Variants in SH3BGRL2 observed in about 807,000 individuals in gnomAD.
SH3BGRL2 encodes the protein SH3 domain-binding glutamic acid-rich-like protein 2.
SH3BGRL2 carries 21 observed loss-of-function variants against 14.8 expected under a neutral mutation model. That is an observed-to-expected ratio of 1.42 (90% confidence interval 1.01 to 2.05). SH3BGRL2 has a LOEUF of 2.05. Ranked by LOEUF, SH3BGRL2 falls within the 30% of genes most tolerant of loss-of-function variation. The probability of loss-of-function intolerance (pLI) is 0.00; values close to 1 mark genes in which losing one functional copy is unlikely to be tolerated. For synonymous variants in SH3BGRL2, 50 were observed against 47.8 expected (o/e 1.05, Z -0.19); for missense variants, 147 against 130.8 (o/e 1.12, Z -0.61).
At chr6:79,554,642 A>G in the SH3BGRL2 span, among the ~76,000 whole-genome samples, 1 of 152,240 alleles carries the variant, frequency 6.6e-6, no homozygotes, top group Non-Finnish European at 1.5e-5. Context: ...TATTGTTAAG[A>G]GTACAATACC....
chr6:79,699,628 T>G lies in SH3BGRL2; in HGVS notation c.*119T>G. 7.5e-7 allele frequency: 1 copy of G among 1,325,402 alleles called. No homozygotes were observed. The highest frequency in any genetic ancestry group is 9.9e-7 in the Non-Finnish European group (1 of 1,005,172). The allele number at this position is 1,325,402 out of a possible 1,614,324, so 82.1% of individuals were successfully genotyped here. A position where few individuals can be genotyped will look rare whatever the true frequency, so the allele number is the denominator to read the frequency against. On this transcript the variant is annotated 3_prime_UTR_variant, in exon 4 of 4. Coordinates refer to ENST00000369838, the MANE Select transcript of SH3BGRL2 (RefSeq NM_031469.4). ...CACACGCATTATCAGTAACTTTGCT[T>G]GCCACGGAAAAGGTGTTTTTGAAAG... is the stretch of plus-strand genomic sequence containing the variant.
At chr6:79,541,231 C>T in the SH3BGRL2 span, among the ~76,000 whole-genome samples, 9 of 151,758 alleles carry the variant, frequency 5.9e-5, no homozygotes, top group Admixed American at 2.0e-4. Context: ...CCAGCCTGGG[C>T]GGCAGAGTGA....
intron 1 of SH3BGRL2, among the ~76,000 whole-genome samples, chr6:79,670,287 C>G (rs964081104): frequency 6.6e-6 from 1 of 152,204 alleles, no homozygotes; most frequent in Non-Finnish European, 1.5e-5. Context: ...CATATTTTGC[C>G]TACTCCCAAT....
chr6:79,667,819 T>G (rs1769690257), intron 1 of SH3BGRL2, among the ~76,000 whole-genome samples: 1 of 152,000 alleles, frequency 6.6e-6, no homozygotes, highest in African/African-American at 2.4e-5. Context: ...CCAAGTAATA[T>G]CTCCAAGGCT....
At chr6:79,609,718 C>T in the SH3BGRL2 span, among the ~76,000 whole-genome samples, 1 of 152,164 alleles carries the variant, frequency 6.6e-6, no homozygotes, top group Non-Finnish European at 1.5e-5. Flanking sequence ...GCTATATTCC[C>T]ATTAGCTGTC....
At chr6:79,646,999 G>A (rs79077793) in intron 1 of SH3BGRL2, among the ~76,000 whole-genome samples, 13 of 152,284 alleles carry the variant, frequency 8.5e-5, no homozygotes, top group South Asian at 2.1e-4. Flanking sequence ...CGCTCTGAAC[G>A]TTTGCGTATA....
chr6:79,633,158 T>C (rs1172717756), intron 1 of SH3BGRL2, among the ~76,000 whole-genome samples: 1 of 152,204 alleles, frequency 6.6e-6, no homozygotes, highest in African/African-American at 2.4e-5. Context: ...CTTTTAAATT[T>C]AATGTTTTGT....
At position 79,703,537 on chromosome 6, in the gene SH3BGRL2, C is replaced by A. The variant is rs1238422488; in HGVS notation, c.*4028C>A. 1 of 152,158 alleles carries A rather than the reference C, an allele frequency of 6.6e-6. No individual in the cohort carries two copies. Among genetic ancestry groups the A allele is most frequent in the Non-Finnish European group, 1.5e-5 (1 of 68,016 alleles). The allele number at this position is 152,158 out of a possible 1,614,324, so 9.4% of individuals were successfully genotyped here. On this transcript the variant is annotated 3_prime_UTR_variant, in exon 4 of 4. Transcript: ENST00000369838. The stretch of plus-strand genomic sequence containing the variant: ...TGCGGTTTCCTGAACCTATCTCTAT[C>A]CCTGTCTGATAGAGGGAACCCCTGT...
the SH3BGRL2 span, among the ~76,000 whole-genome samples, chr6:79,576,744 G>A: frequency 1.3e-5 from 2 of 152,040 alleles, no homozygotes; most frequent in African/African-American, 2.4e-5. Flanking sequence ...AATTAAGCTC[G>A]ATAACATTTT....
rs1311579628 is a variant in SH3BGRL2 at position 79,699,691 on chromosome 6, C to T, written c.*182C>T. 3 of 813,648 alleles carry T rather than the reference C, an allele frequency of 3.7e-6. No individual in the cohort carries two copies. The highest frequency in any genetic ancestry group is 1.8e-5 in the African/African-American group (1 of 56,738). 50.4% of individuals were successfully genotyped at this position (813,648 alleles called of 1,614,324 possible). On this transcript the variant is annotated 3_prime_UTR_variant, in exon 4 of 4. Transcript: ENST00000369838. ...TGAGAATTGCATGATTGCTTTAAACCAAATCAGGTGGTGGATTTTTTTTTT... is the reference window on the plus strand; with the variant it reads ...TGAGAATTGCATGATTGCTTTAAACTAAATCAGGTGGTGGATTTTTTTTTT...
chr6:79,605,317 A>C, the SH3BGRL2 span, among the ~76,000 whole-genome samples: 1 of 152,350 alleles, frequency 6.6e-6, no homozygotes, highest in South Asian at 2.1e-4. Flanking sequence ...TGATGTCAGA[A>C]GAGATCACAG....
At chr6:79,594,597 A>G in the SH3BGRL2 span, among the ~76,000 whole-genome samples, 1 of 152,176 alleles carries the variant, frequency 6.6e-6, no homozygotes, top group Non-Finnish European at 1.5e-5. Context: ...GAGGCTATGC[A>G]GGAGCTGGTA....
At chr6:79,643,085 A>G (rs1185566603) in intron 1 of SH3BGRL2, among the ~76,000 whole-genome samples, 1 of 152,182 alleles carries the variant, frequency 6.6e-6, no homozygotes, top group Non-Finnish European at 1.5e-5. Context: ...GTGTCCAGCA[A>G]TGTGGTACAA....
the SH3BGRL2 span, among the ~76,000 whole-genome samples, chr6:79,585,856 C>A: frequency 3.3e-5 from 5 of 151,948 alleles, no homozygotes; most frequent in Admixed American, 1.3e-4. Context: ...TGGCCCAGGA[C>A]AGCTCTGAAT....
At chr6:79,569,728 T>A in the SH3BGRL2 span, among the ~76,000 whole-genome samples, 1 of 152,152 alleles carries the variant, frequency 6.6e-6, no homozygotes, top group African/African-American at 2.4e-5. Flanking sequence ...GAATTTTATT[T>A]TTGGTTTACA....
the SH3BGRL2 span, among the ~76,000 whole-genome samples, chr6:79,593,993 C>G: frequency 7.4e-5 from 11 of 149,506 alleles, no homozygotes; most frequent in Non-Finnish European, 1.6e-4. Context: ...CCACTGCACT[C>G]CAGCCTGGAT....
chr6:79,634,698 G>T (rs1768889711), intron 1 of SH3BGRL2, among the ~76,000 whole-genome samples: 1 of 152,094 alleles, frequency 6.6e-6, no homozygotes. Flanking sequence ...GTGTCTCCAA[G>T]GAATTCACAG....
the SH3BGRL2 span, among the ~76,000 whole-genome samples, chr6:79,608,014 G>A: frequency 6.6e-6 from 1 of 152,160 alleles, no homozygotes; most frequent in Admixed American, 6.5e-5. Context: ...AGCATGGCTG[G>A]TGAGGCCTCA....
At chr6:79,582,391 C>T in the SH3BGRL2 span, among the ~76,000 whole-genome samples, 66 of 152,280 alleles carry the variant, frequency 4.3e-4, no homozygotes, top group Non-Finnish European at 8.5e-4. Context: ...AACTATACTA[C>T]AAGGCTACAG....
Sources: gnomAD v4.1 joint callset for allele counts (sites outside exome capture counted in the v4.1 genomes callset) on GRCh38, gnomAD v4.1.1 for gene constraint, MANE v1.5 for transcripts, NCBI Gene and HGNC (gene_info 2026-07-23, HGNC 2026-07-21) for gene names.